The following NLRC5 variants were observed in gnomAD, a reference collection of about 807,000 sequenced individuals.
The protein encoded by NLRC5 is NLR family CARD domain containing 5.
Under a neutral mutation model 206.9 loss-of-function variants are expected in NLRC5, and 114 were observed. The ratio of observed to expected loss-of-function variants is 0.55; its 90% CI spans 0.47 to 0.64. NLRC5 has a LOEUF of 0.64. NLRC5 is among the 30% of genes least tolerant of loss of function. NLRC5 has a pLI of 0.00. For missense variants in NLRC5, 2,008 were observed against 2,305.5 expected, an observed-to-expected ratio of 0.87 and a Z score of 2.64; for synonymous variants, 952 against 962.8, an observed-to-expected ratio of 0.99 and a Z score of 0.21.
intron 1 of NLRC5, among the ~76,000 whole-genome samples, chr16:56,994,129 G>A (rs576800024): frequency 1.4e-5 from 2 of 146,678 alleles, no homozygotes; most frequent in East Asian, 4.4e-4. Flanking sequence ...TTTTGGGTGG[G>A]AAGAGAGTGC....
At chr16:56,998,662 T>C (rs532247788) in intron 1 of NLRC5, among the ~76,000 whole-genome samples, 2 of 152,326 alleles carry the variant, frequency 1.3e-5, no homozygotes, top group African/African-American at 4.8e-5. Flanking sequence ...AACATGCTAT[T>C]ATCGACCTGT....
chr16:57,023,753 C>T, intron 4 of NLRC5, 32 bp from the exon 5 acceptor site: 1 of 1,591,996 alleles, frequency 6.3e-7, no homozygotes, highest in Non-Finnish European at 8.6e-7. Flanking sequence ...TCCCCAGACC[C>T]CACTCCTCCA....
At chr16:57,031,371 C>G (rs1265414962) in intron 10 of NLRC5, 33 bp from the exon 11 acceptor site, 5 of 1,613,236 alleles carry the variant, frequency 3.1e-6, no homozygotes, top group Non-Finnish European at 3.4e-6. Context: ...TTTCCAGTCT[C>G]TGGGTTTCAT....
Position 57,051,083 on chromosome 16 carries a change from T to C in NLRC5, c.3423-455T>C, listed in dbSNP as rs369361307. Reference sequence around the variant, plus strand: ...CATGTTGCCCAGGCTGGTCCCAGACTCCTGACCTCAGATGATCCACCCACC... The same window carrying C: ...CATGTTGCCCAGGCTGGTCCCAGACCCCTGACCTCAGATGATCCACCCACC... On this transcript the variant is annotated intron_variant, in intron 23 of 48. Transcript: ENST00000688547. 4.6e-5 allele frequency among the ~76,000 whole-genome samples: 7 copies of C among 152,202 alleles called. No individual in the cohort carries two copies. In the East Asian group the frequency reaches 1.2e-3, roughly 25 times the overall value.
intron 33 of NLRC5, among the ~76,000 whole-genome samples, chr16:57,066,200 G>C (rs1401999598): frequency 1.3e-5 from 2 of 152,138 alleles, no homozygotes; most frequent in African/African-American, 4.8e-5. Context: ...ACTTTGGGAG[G>C]CCGAGGCAGG....
rs1314183556 is a variant in NLRC5 at position 57,026,894 on chromosome 16, C to A, written c.1951C>A (p.Leu651Met). 6.2e-7 allele frequency: 1 copy of A among 1,614,104 alleles called. No homozygotes were observed. Among genetic ancestry groups the A allele is most frequent in the East Asian group, 2.2e-5 (1 of 44,886 alleles). The change falls in exon 6 of 49, where the codon CTG (leucine) becomes ATG (methionine). Residue 651 changes from leucine (L) to methionine (M), a missense_variant. Leu to Met is a conservative substitution (Grantham distance 15). Coordinates refer to ENST00000688547, the MANE Select transcript of NLRC5 (RefSeq NM_001384950.1). ...CAATTTCCCACTGACCTGCACCGAC[C>A]TGGCCACCCTGACCAACATCCTAGA... ...FHNFPLTCTD[L>M]ATLTNILEHR...
At chr16:57,076,740 A>C in intron 39 of NLRC5, 79 bp from the exon 40 acceptor site, 1 of 1,356,410 alleles carries the variant, frequency 7.4e-7, no homozygotes, top group Non-Finnish European at 1.1e-6. Flanking sequence ...GGCTTTGCAA[A>C]CTGTAGAGTT....
rs1341951804 is a variant in NLRC5, at chr16:57,037,302, C to T, written c.2801+18C>T. On this transcript the variant is annotated intron_variant, in intron 15 of 48. Transcript: ENST00000688547. ...CACATCAGGTGGGAGCTCCCTCAGACCACGGTACCCATCCCCCCCCCCATC... is the reference window on the plus strand; with the variant it reads ...CACATCAGGTGGGAGCTCCCTCAGATCACGGTACCCATCCCCCCCCCCATC... 6.3e-7 allele frequency: 1 copy of T among 1,595,590 alleles called. No homozygotes were observed. Among genetic ancestry groups the T allele is most frequent in the African/African-American group, 1.4e-5 (1 of 70,712 alleles).
chr16:57,025,230 T>G, intron 5 of NLRC5, 138 bp from the exon 6 acceptor site: 1 of 1,414,732 alleles, frequency 7.1e-7, no homozygotes, highest in Non-Finnish European at 9.3e-7. Flanking sequence ...CCTATGGTGC[T>G]CTTGACACCC....
At chr16:57,069,620 C>T (rs113126635) in intron 36 of NLRC5, among the ~76,000 whole-genome samples, 3 of 152,288 alleles carry the variant, frequency 2.0e-5, no homozygotes, top group African/African-American at 7.2e-5. Flanking sequence ...TGAATGACTG[C>T]GGTTTAGGAA....
chr16:57,040,846 G>GCCATGACCCCT, intron 17 of NLRC5, 128 bp downstream of exon 17: 1 of 888,756 alleles, frequency 1.1e-6, no homozygotes, highest in South Asian at 1.5e-5. Flanking sequence ...CTGTGTCCAG[G>GCCATGACCCCT]GGTCATGGCC....
chr16:57,003,995 G>A (rs1018615225), intron 1 of NLRC5: 4 of 152,274 alleles, frequency 2.6e-5, no homozygotes, highest in Admixed American at 6.5e-5. Context: ...AGAAGCTGAC[G>A]GGCCTAGAGA....
rs2061209491 is a variant in NLRC5, at chr16:57,025,677, G to A, written c.734G>A (p.Trp245Ter). Residue 245 changes from tryptophan to a stop codon, truncating the protein, a stop_gained, in exon 6 of 49, where the codon TGG (tryptophan) becomes TAG (stop). Transcript: ENST00000688547. LOFTEE classifies it high-confidence loss of function. ...CTGGCCCACCGGCTCTGCCAGAAGTGGGCAGAGGGCCATCTGAACTGTTTC... is the reference window on the plus strand; with the variant it reads ...CTGGCCCACCGGCTCTGCCAGAAGTAGGCAGAGGGCCATCTGAACTGTTTC... ...TTLAHRLCQK[W>*]AEGHLNCFQA... The A allele has an allele frequency of 6.2e-7, 1 of 1,614,110 alleles. No individual in the cohort carries two copies. Among genetic ancestry groups the A allele is most frequent in the South Asian group, 1.1e-5 (1 of 91,088 alleles).
At chr16:57,022,190 G>A in intron 3 of NLRC5, 66 bp from the exon 4 acceptor site, 1 of 1,437,214 alleles carries the variant, frequency 7.0e-7, no homozygotes. Flanking sequence ...CAGGCGCCAG[G>A]CCAGAGCTGG....
chr16:57,023,662 G>C (rs1426087205), intron 4 of NLRC5, 123 bp from the exon 5 acceptor site: 16 of 703,532 alleles, frequency 2.3e-5, no homozygotes, highest in Non-Finnish European at 2.7e-5. Context: ...TCCAGTCCCT[G>C]CATGTGGGTG....
intron 1 of NLRC5, among the ~76,000 whole-genome samples, chr16:57,002,653 T>TG (rs1246900668): frequency 1.8e-4 from 26 of 146,954 alleles, no homozygotes; most frequent in African/African-American, 6.3e-4. Flanking sequence ...TTGTTTTTTT[T>TG]TTTTTTTTGA....
At chr16:57,077,497 G>C (rs2068544215) in intron 41 of NLRC5, 118 bp downstream of exon 41, 1 of 1,056,368 alleles carries the variant, frequency 9.5e-7, no homozygotes, top group Non-Finnish European at 1.4e-6. Flanking sequence ...TCAGTGTCCA[G>C]GCAGTGGGGC....
chr16:57,065,310 G>A lies in NLRC5; in HGVS notation c.4241+12G>A, dbSNP rs1361072386. 16 of 1,537,036 alleles carry A rather than the reference G, an allele frequency of 1.0e-5. No homozygotes were observed. The highest frequency in any genetic ancestry group is 1.4e-5 in the Non-Finnish European group (16 of 1,133,906). Reference sequence around the variant, plus strand: ...GTCACTGAAATCAGGTGAGTCCAGAGAAGAGGCCCCTTTGGAATTCTTCAT... The same window carrying A: ...GTCACTGAAATCAGGTGAGTCCAGAAAAGAGGCCCCTTTGGAATTCTTCAT... On this transcript the variant is annotated intron_variant, in intron 33 of 48. Coordinates refer to ENST00000688547, the MANE Select transcript of NLRC5 (RefSeq NM_001384950.1).
chr16:57,014,111 C>T (rs1428516023), intron 1 of NLRC5: 1 of 188,030 alleles, frequency 5.3e-6, no homozygotes, highest in Middle Eastern at 2.2e-3. Flanking sequence ...ACCAGTTCCA[C>T]ATGGCGAGGG....
Sources: gnomAD v4.1 joint callset for allele counts (sites outside exome capture counted in the v4.1 genomes callset) on GRCh38, gnomAD v4.1.1 for gene constraint, MANE v1.5 for transcripts, NCBI Gene and HGNC (gene_info 2026-07-23, HGNC 2026-07-21) for gene names.